The following CRNKL1 variants were observed in gnomAD, a reference collection of about 807,000 sequenced individuals.
The protein encoded by CRNKL1 is crooked neck pre-mRNA splicing factor 1, also known as crooked neck-like protein 1.
CRNKL1 carries 35 observed loss-of-function variants against 103.7 expected under a neutral mutation model. That is an observed-to-expected ratio of 0.34 (90% CI 0.26 to 0.45). The LOEUF (loss-of-function observed/expected upper bound fraction) is 0.45. Ranked by LOEUF, CRNKL1 falls within the 20% of genes least tolerant of loss-of-function variation. The pLI is 1.00. For missense variants in CRNKL1, 645 were observed against 836.0 expected (o/e 0.77, Z 2.82); for synonymous variants, 267 against 282.6 (o/e 0.94, Z 0.55).
In CRNKL1 at chr20:20,043,563, ACTT is replaced by A. The variant is rs760161152; in HGVS notation, c.898_900del (p.Lys300del). 6.2e-7 allele frequency: 1 copy of A among 1,613,966 alleles called. No individual in the cohort carries two copies. Among genetic ancestry groups the A allele is most frequent in the Non-Finnish European group, 8.5e-7 (1 of 1,179,974 alleles). On this transcript the variant is annotated inframe_deletion, in exon 7 of 14. Coordinates refer to ENST00000536226, the MANE Select transcript of CRNKL1 (RefSeq NM_001278628.2). ...TCTTCAATACCCCGCCTATCACCAA[ACTT>A]CTTCTCAAAGATGGTATAATTTTTA...
At chr20:20,040,894 T>C (rs2043502158) in intron 9 of CRNKL1, 128 bp from the exon 10 acceptor site, 3 of 653,944 alleles carry the variant, frequency 4.6e-6, no homozygotes, top group South Asian at 3.8e-5. Context: ...GTAAGAGGAA[T>C]GTACTCTGCT....
At chr20:20,039,469 T>A (rs953486899) in intron 11 of CRNKL1, 140 bp downstream of exon 11, 1 of 1,031,100 alleles carries the variant, frequency 9.7e-7, no homozygotes, top group African/African-American at 1.6e-5. Context: ...CCTTTCCACG[T>A]ACAAGCCTAA....
chr20:20,037,987 T>C (rs2043448745), intron 12 of CRNKL1, among the ~76,000 whole-genome samples: 1 of 151,644 alleles, frequency 6.6e-6, no homozygotes, highest in South Asian at 2.1e-4. Flanking sequence ...CTCTGGAGGC[T>C]GAGGCAGGAG....
chr20:20,043,435 TATTGATGAGCAC>T, intron 7 of CRNKL1, 45 bp downstream of exon 7: 1 of 1,520,996 alleles, frequency 6.6e-7, no homozygotes, highest in Non-Finnish European at 9.1e-7. Context: ...GTGTTGCTAG[TATTGATGAGCAC>T]ATCTTGGGTT....
intron 11 of CRNKL1, 76 bp from the exon 12 acceptor site, chr20:20,038,526 A>G (rs2043459720): frequency 1.3e-6 from 1 of 796,690 alleles, no homozygotes. Context: ...CAGCTGAAGT[A>G]TCACTCTAAC....
At chr20:20,043,426 T>C (rs2043546154) in intron 7 of CRNKL1, 66 bp downstream of exon 7, 17 of 1,432,342 alleles carry the variant, frequency 1.2e-5, no homozygotes, top group Non-Finnish European at 1.6e-5. Context: ...TTCATTTTAG[T>C]GTTGCTAGTA....
At chr20:20,050,448 G>C (rs201022462) in intron 2 of CRNKL1, 22 bp downstream of exon 2, 16 of 1,606,078 alleles carry the variant, frequency 1.0e-5, no homozygotes, top group Non-Finnish European at 1.4e-5. Flanking sequence ...TTAGTGGACT[G>C]AAAGATACCA....
In CRNKL1 at chr20:20,045,489, G is replaced by A. The variant is rs6046567; in HGVS notation, c.623-3C>T. Reference sequence around the variant, plus strand: ...AACATCAGGGTGCACGAGGACAAGTGCAAGGGAATTAAGGAAATCCCAGGC... The same window carrying A: ...AACATCAGGGTGCACGAGGACAAGTACAAGGGAATTAAGGAAATCCCAGGC... On this transcript the variant is annotated splice_polypyrimidine_tract_variant and splice_region_variant and intron_variant, in intron 5 of 13. Coordinates refer to ENST00000536226, the MANE Select transcript of CRNKL1 (RefSeq NM_001278628.2). The A allele has an allele frequency of 1.4e-3, 2,169 of 1,596,106 alleles. 26 individuals carry two copies. The African/African-American group carries it at 0.026, about 19-fold the overall frequency.
Position 20,038,430 on chromosome 20 carries a change from AAT to A in CRNKL1, c.1564_1565del (p.Ile522Ter), listed in dbSNP as rs746147865. On this transcript the variant is annotated frameshift_variant, in exon 12 of 14. Coordinates refer to ENST00000536226, the MANE Select transcript of CRNKL1 (RefSeq NM_001278628.2). LOFTEE classifies it high-confidence loss of function. ...DMPEVLWKSY[I>X]DFEIEQEETE... ...TTTCTTCCTGCTCAATTTCAAAATCAATATATGATTTCCAAAGCACCTAAGGA... is the reference window on the plus strand; with the variant it reads ...TTTCTTCCTGCTCAATTTCAAAATCAATATGATTTCCAAAGCACCTAAGGA... The A allele has an allele frequency of 6.4e-7, 1 of 1,551,644 alleles. No homozygotes were observed.
intron 11 of CRNKL1, among the ~76,000 whole-genome samples, chr20:20,039,376 CCCAGTTCAT>C (rs1262866139): frequency 3.9e-5 from 6 of 152,180 alleles, no homozygotes; most frequent in Non-Finnish European, 8.8e-5. Context: ...CCCATGATAT[CCCAGTTCAT>C]CCTGGGCATC....
chr20:20,056,006 T>G, upstream of CRNKL1: 1 of 1,608,854 alleles, frequency 6.2e-7, no homozygotes, highest in Non-Finnish European at 8.5e-7. Context: ...TCTCCACTGT[T>G]GCCGTCATTA....
In CRNKL1 at chr20:20,042,353, T is replaced by C. The variant is rs754725111; in HGVS notation, c.1136A>G (p.Tyr379Cys). The part of the protein sequence containing the change: ...WKRYIYLWIN[Y>C]ALYEELEAKD... ...TGCCTCCAATTCTTCATAGAGTGCATAGTTGATCCAAAGATAAATGTAGCG... is the reference window on the plus strand; with the variant it reads ...TGCCTCCAATTCTTCATAGAGTGCACAGTTGATCCAAAGATAAATGTAGCG... Residue 379 changes from tyrosine to cysteine, a missense_variant, in exon 8 of 14, where the codon TAT becomes TGT. By Grantham distance (194) the Tyr-to-Cys change is radical (BLOSUM62 -2). Coordinates refer to ENST00000536226, the MANE Select transcript of CRNKL1 (RefSeq NM_001278628.2). 11 of 1,613,442 alleles carry C rather than the reference T, an allele frequency of 6.8e-6. No homozygotes were observed. The highest frequency in any genetic ancestry group is 9.3e-6 in the Non-Finnish European group (11 of 1,179,810).
At chr20:20,040,864 G>T (rs1028547062) in intron 9 of CRNKL1, 98 bp from the exon 10 acceptor site, 2 of 816,108 alleles carry the variant, frequency 2.5e-6, no homozygotes, top group South Asian at 1.6e-5. Flanking sequence ...TTGGTAATTC[G>T]ATTTCTCTAA....
intron 2 of CRNKL1, among the ~76,000 whole-genome samples, chr20:20,049,971 C>A (rs959012371): frequency 6.6e-6 from 1 of 152,160 alleles, no homozygotes; most frequent in African/African-American, 2.4e-5. Flanking sequence ...GCACCTGCCA[C>A]CACGCCTGGC....
chr20:20,054,015 T>TTTTTTTTTG (rs2044041119), upstream of CRNKL1, among the ~76,000 whole-genome samples: 1 of 105,654 alleles, frequency 9.5e-6, no homozygotes, highest in African/African-American at 4.0e-5. Flanking sequence ...TTTTGTTTGT[T>TTTTTTTTTG]TTTTTTTTTT....
rs545857607 is a variant in CRNKL1, at chr20:20,037,235, A to G, written c.1896+88T>C. 4.1e-6 allele frequency: 6 copies of G among 1,470,742 alleles called. No homozygotes were observed. The African/African-American group carries it at 8.4e-5, about 21-fold the overall frequency. The allele number at this position is 1,470,742 out of a possible 1,614,324, so 91.1% of individuals were successfully genotyped here. Reference sequence around the variant, plus strand: ...GTCTGCTTCCATTCTAAGATTGTACATATGCCACTTAAAAGTCCACATTTC... The same window carrying G: ...GTCTGCTTCCATTCTAAGATTGTACGTATGCCACTTAAAAGTCCACATTTC... On this transcript the variant is annotated intron_variant, in intron 13 of 13. Transcript: ENST00000536226.
In CRNKL1 at chr20:20,034,703, C is replaced by T. The variant is rs1035087451; in HGVS notation, c.*1492G>A. ...CTCTACTCGAGAAGTGATCTGACAC[C>T]GCAGTAGCTGATGCTCGTCCAGTGA... On this transcript the variant is annotated 3_prime_UTR_variant, in exon 14 of 14. Transcript: ENST00000536226. The T allele has an allele frequency of 1.3e-5, 2 of 152,200 alleles. No individual in the cohort carries two copies. Among genetic ancestry groups the T allele is most frequent in the Admixed American group, 6.5e-5 (1 of 15,286 alleles). The allele number at this position is 152,200 out of a possible 1,614,324, so 9.4% of individuals were successfully genotyped here. A position where few individuals can be genotyped will look rare whatever the true frequency, so the allele number is the denominator to read the frequency against.
intron 7 of CRNKL1, among the ~76,000 whole-genome samples, chr20:20,043,002 T>G (rs1428362357): frequency 2.0e-5 from 3 of 152,200 alleles, no homozygotes; most frequent in Non-Finnish European, 4.4e-5. Flanking sequence ...AGGAAGAGTA[T>G]TTTTAAATAC....
Position 20,035,154 on chromosome 20 carries a change from A to G in CRNKL1, c.*1041T>C, listed in dbSNP as rs2043399822. 1 of 152,228 alleles carries G rather than the reference A, an allele frequency of 6.6e-6. No individual in the cohort carries two copies. Among genetic ancestry groups the G allele is most frequent in the Admixed American group, 6.5e-5 (1 of 15,286 alleles). The allele number at this position is 152,228 out of a possible 1,614,324, so 9.4% of individuals were successfully genotyped here. Reference sequence around the variant, plus strand: ...GCTCTAAACCAAGAGTAAGTTTAACATGTCAGCAGTGAGGAGTAGACATTT... The same window carrying G: ...GCTCTAAACCAAGAGTAAGTTTAACGTGTCAGCAGTGAGGAGTAGACATTT... On this transcript the variant is annotated 3_prime_UTR_variant, in exon 14 of 14. Transcript: ENST00000536226.
Sources: allele counts gnomAD v4.1 joint callset (sites outside exome capture counted in the v4.1 genomes callset), GRCh38; gene constraint gnomAD v4.1.1; transcripts MANE v1.5; gene names NCBI Gene and HGNC (gene_info 2026-07-23, HGNC 2026-07-21).